The following SEC63 variants were observed in gnomAD, a reference collection of about 807,000 sequenced individuals.
The protein encoded by SEC63 is SEC63 protein translocation regulator.
In SEC63, 56 loss-of-function variants were observed where a neutral mutation model predicts 116.2. That is an observed-to-expected ratio of 0.48 (90% confidence interval 0.39 to 0.60). The LOEUF (loss-of-function observed/expected upper bound fraction) is 0.60. SEC63 is among the 20% of genes least tolerant of loss of function. The pLI is 0.00. For synonymous variants in SEC63, 273 were observed against 294.6 expected (o/e 0.93, Z 0.75); for missense variants, 668 against 900.0 (o/e 0.74, Z 3.30).
chr6:107,947,293 T>C (rs1250418842), intron 1 of SEC63, among the ~76,000 whole-genome samples: 1 of 151,866 alleles, frequency 6.6e-6, no homozygotes, highest in Non-Finnish European at 1.5e-5. Flanking sequence ...TGAGACCCTG[T>C]CTCAAAAACA....
intron 16 of SEC63, among the ~76,000 whole-genome samples, chr6:107,883,642 T>TTATA (rs141133474): frequency 1.1e-3 from 160 of 146,398 alleles, no homozygotes; most frequent in African/African-American, 3.7e-3. Flanking sequence ...AAAAAAAAAA[T>TTATA]TATATATATA....
At chr6:107,915,256 A>G (rs1027408782) in intron 4 of SEC63, among the ~76,000 whole-genome samples, 2 of 152,096 alleles carry the variant, frequency 1.3e-5, no homozygotes, top group Non-Finnish European at 2.9e-5. Flanking sequence ...GGACGATTAT[A>G]GATTCTCTTA....
At chr6:107,892,707 C>T (rs891055288) in intron 16 of SEC63, among the ~76,000 whole-genome samples, 5 of 152,126 alleles carry the variant, frequency 3.3e-5, no homozygotes, top group Non-Finnish European at 5.9e-5. Flanking sequence ...AAGAAGTTAT[C>T]CAAATGGCCA....
chr6:107,873,322 C>T (rs994056071), intron 19 of SEC63, among the ~76,000 whole-genome samples: 3 of 152,002 alleles, frequency 2.0e-5, no homozygotes, highest in Non-Finnish European at 4.4e-5. Context: ...CTAGAATAAA[C>T]GCCCAATGCC....
intron 4 of SEC63, among the ~76,000 whole-genome samples, chr6:107,917,151 T>G (rs1787424514): frequency 6.6e-6 from 1 of 152,226 alleles, no homozygotes; most frequent in African/African-American, 2.4e-5. Flanking sequence ...GATTTGTACC[T>G]TAAGGACATG....
intron 4 of SEC63, 123 bp from the exon 5 acceptor site, chr6:107,913,550 G>T (rs989807480): frequency 9.1e-6 from 7 of 770,444 alleles, no homozygotes; most frequent in African/African-American, 8.6e-5. Context: ...CATGAATCAA[G>T]AAAAGTTTCT....
At chr6:107,954,482 C>CAAAAAAAAAAAAAAAA (rs4028832) in intron 1 of SEC63, 1 of 116,868 alleles carries the variant, frequency 8.6e-6, no homozygotes, top group Non-Finnish European at 1.6e-5. Context: ...AAAAAAAAAT[C>CAAAAAAAAAAAAAAAA]AAAAAAAAAA....
intron 16 of SEC63, 108 bp from the exon 17 acceptor site, chr6:107,883,254 C>A: frequency 6.8e-6 from 9 of 1,332,898 alleles, no homozygotes; most frequent in Non-Finnish European, 9.4e-6. Flanking sequence ...GACTCGATGA[C>A]AATTTCACTA....
chr6:107,940,098 G>C (rs1025857779), intron 1 of SEC63, among the ~76,000 whole-genome samples: 1 of 152,028 alleles, frequency 6.6e-6, no homozygotes, highest in African/African-American at 2.4e-5. Context: ...ACAGAAACGT[G>C]GGTCCTACTT....
At position 107,871,442 on chromosome 6, in the gene SEC63, T is replaced by A. The variant is rs1014420001; in HGVS notation, c.*262A>T. On this transcript the variant is annotated 3_prime_UTR_variant, in exon 21 of 21. Transcript: ENST00000369002. ...TACATAGCCCACACTTCTGGACAGT[T>A]ATAATAACAAAGGATTTATTATCAT... 9.8e-5 allele frequency: 46 copies of A among 471,016 alleles called. No individual in the cohort carries two copies. Among genetic ancestry groups the A allele is most frequent in the African/African-American group, 8.3e-4 (42 of 50,734 alleles). The allele number at this position is 471,016 out of a possible 1,614,324, so 29.2% of individuals were successfully genotyped here.
intron 1 of SEC63, among the ~76,000 whole-genome samples, chr6:107,945,952 T>A (rs1252110129): frequency 6.6e-6 from 1 of 151,994 alleles, no homozygotes; most frequent in Non-Finnish European, 1.5e-5. Context: ...TTATTTATTT[T>A]TTGAGACGGA....
intron 4 of SEC63, among the ~76,000 whole-genome samples, chr6:107,919,637 G>A (rs529846583): frequency 2.7e-4 from 41 of 151,358 alleles, no homozygotes; most frequent in African/African-American, 9.2e-4. Flanking sequence ...CCTGGCTAAC[G>A]TGGTGAAACC....
At chr6:107,892,830 C>A (rs574094140) in intron 16 of SEC63, among the ~76,000 whole-genome samples, 1 of 152,136 alleles carries the variant, frequency 6.6e-6, no homozygotes, top group South Asian at 2.1e-4. Flanking sequence ...CTGGTAAAAC[C>A]AAGTGTTGGT....
intron 1 of SEC63, among the ~76,000 whole-genome samples, chr6:107,933,273 A>T (rs1295727818): frequency 6.6e-6 from 1 of 152,332 alleles, no homozygotes; most frequent in East Asian, 1.9e-4. Flanking sequence ...CTTTGGCCCA[A>T]AGAAACTGAT....
At chr6:107,939,721 A>C (rs1770332558) in intron 1 of SEC63, among the ~76,000 whole-genome samples, 1 of 152,206 alleles carries the variant, frequency 6.6e-6, no homozygotes, top group Non-Finnish European at 1.5e-5. Context: ...GGGTGAAAGT[A>C]CGAGATTGTC....
intron 19 of SEC63, among the ~76,000 whole-genome samples, chr6:107,874,413 T>G (rs1026506750): frequency 6.6e-6 from 1 of 151,832 alleles, no homozygotes; most frequent in Non-Finnish European, 1.5e-5. Context: ...GCTAACACAG[T>G]GAAACCCCGT....
At chr6:107,946,512 T>C (rs1198319249) in intron 1 of SEC63, among the ~76,000 whole-genome samples, 2 of 152,092 alleles carry the variant, frequency 1.3e-5, no homozygotes, top group African/African-American at 2.4e-5. Context: ...GCCAACATAA[T>C]GCAGTTATTA....
intron 16 of SEC63, among the ~76,000 whole-genome samples, chr6:107,890,975 G>T (rs536003700): frequency 6.6e-6 from 1 of 152,152 alleles, no homozygotes; most frequent in Non-Finnish European, 1.5e-5. Context: ...TGGGTAACCC[G>T]ATCTTTCTCT....
chr6:107,874,524 AG>A (rs909504082), intron 19 of SEC63, among the ~76,000 whole-genome samples: 7 of 141,176 alleles, frequency 5.0e-5, no homozygotes, highest in African/African-American at 1.8e-4. Flanking sequence ...TGAACCCGGG[AG>A]GCGGAGCTTG....
Sources: gnomAD v4.1 joint callset for allele counts (sites outside exome capture counted in the v4.1 genomes callset) on GRCh38, gnomAD v4.1.1 for gene constraint, MANE v1.5 for transcripts, NCBI Gene and HGNC (gene_info 2026-07-23, HGNC 2026-07-21) for gene names.